ELK1: variants seen among roughly 807,000 people sequenced by gnomAD.
The protein encoded by ELK1 is ETS transcription factor ELK1, also known as ETS domain-containing protein Elk-1.
For missense variants in ELK1, 254 were observed against 381.5 expected, an observed-to-expected ratio of 0.67 and a Z score of 2.78; for synonymous variants, 163 against 176.3, an observed-to-expected ratio of 0.92 and a Z score of 0.60.
Position 47,650,545 on chromosome X carries a change from T to TGGCGGCGGC in ELK1, c.-272_-264dup, listed in dbSNP as rs775300271. 6.3e-6 allele frequency: 2 copies of TGGCGGCGGC among 318,886 alleles called. No individual in the cohort carries two copies. The highest frequency in any genetic ancestry group is 5.9e-6 in the Non-Finnish European group (1 of 169,232). The allele number at this position is 318,886 out of a possible 1,213,427, so 26.3% of individuals were successfully genotyped here. A position where few individuals can be genotyped will look rare whatever the true frequency, so the allele number is the denominator to read the frequency against. On this transcript the variant is annotated 5_prime_UTR_variant, in exon 1 of 7. Coordinates refer to ENST00000376983, the MANE Select transcript of ELK1 (RefSeq NM_001114123.3). ...GCGGCGGTGGAGGTGGTGGTGGCGG[T>TGGCGGCGGC]GGCGGCGGCAGCACCTAGAAGCCGC...
Position 47,636,712 on chromosome X carries a change from C to G in ELK1, c.*117G>C, listed in dbSNP as rs1484496304. The G allele has an allele frequency of 2.8e-6, 2 of 723,076 alleles. No individual in the cohort carries two copies. The highest frequency in any genetic ancestry group is 7.2e-5 in the East Asian group (2 of 27,870). The allele number at this position is 723,076 out of a possible 1,213,427, so 59.6% of individuals were successfully genotyped here. On this transcript the variant is annotated 3_prime_UTR_variant, in exon 7 of 7. Coordinates refer to ENST00000376983, the MANE Select transcript of ELK1 (RefSeq NM_001114123.3). ...AGTAATTCTTCCCAAGGATCCCCAC[C>G]CCACCACAATCAGAGCATGAGTCTT...
At chrX:47,644,394 G>A (rs1333586212) in intron 2 of ELK1, among the ~76,000 whole-genome samples, 2 of 111,463 alleles carry the variant, frequency 1.8e-5, no homozygotes, top group African/African-American at 6.5e-5. Context: ...CAGGTGCTGC[G>A]GATACAGTCG....
intron 4 of ELK1, 104 bp from the exon 5 acceptor site, chrX:47,638,286 C>A: frequency 2.0e-6 from 2 of 993,127 alleles, no homozygotes; most frequent in Non-Finnish European, 2.8e-6. Flanking sequence ...GCACTTGGTA[C>A]TCAGGGCATG....
chrX:47,650,455 T>C lies in ELK1; in HGVS notation c.-173A>G. The C allele has an allele frequency of 8.4e-6, 3 of 358,752 alleles. No homozygotes were observed. The highest frequency in any genetic ancestry group is 7.2e-5 in the South Asian group (3 of 41,769). 29.6% of individuals were successfully genotyped at this position (358,752 alleles called of 1,213,427 possible). On this transcript the variant is annotated 5_prime_UTR_variant, in exon 1 of 7. Coordinates refer to ENST00000376983, the MANE Select transcript of ELK1 (RefSeq NM_001114123.3). Reference sequence around the variant, plus strand: ...TAGCGTGGCGGTGGCGTTGGCAATGTTGGCAGCTCCGGGGGGCGGGGGCTC... The same window carrying C: ...TAGCGTGGCGGTGGCGTTGGCAATGCTGGCAGCTCCGGGGGGCGGGGGCTC...
At chrX:47,641,504 C>G in intron 2 of ELK1, 29 bp from the exon 3 acceptor site, 1 of 1,105,105 alleles carries the variant, frequency 9.0e-7, no homozygotes. Flanking sequence ...AGTTGAGAGG[C>G]TGTGGACATA....
chrX:47,648,137 G>T lies in ELK1; in HGVS notation c.-35+1784C>A, dbSNP rs751479317. Among the ~76,000 whole-genome samples the T allele has an allele frequency of 1.3e-4, 13 of 102,325 alleles. No homozygotes were observed. In the East Asian group the frequency reaches 1.8e-3, roughly 14 times the overall value. The allele number at this position is 102,325 out of a possible 115,157, so 88.9% of individuals were successfully genotyped here. On this transcript the variant is annotated intron_variant, in intron 2 of 6. Transcript: ENST00000376983. ...ACACACCACAGTGGTTGTTTTTTGG[G>T]TTTTTTTTTTTCAGAAAAAGGGATC...
At position 47,647,996 on chromosome X, in the gene ELK1, C is replaced by A. The variant is rs1178953055; in HGVS notation, c.-35+1925G>T. Among the ~76,000 whole-genome samples the A allele has an allele frequency of 8.9e-5, 10 of 112,416 alleles. No homozygotes were observed. The East Asian group carries it at 2.8e-3, about 31-fold the overall frequency. On this transcript the variant is annotated intron_variant, in intron 2 of 6. Coordinates refer to ENST00000376983, the MANE Select transcript of ELK1 (RefSeq NM_001114123.3). ...TACATGTGCCTTTGTATAGTATATT[C>A]TAAGTACCATGGTGTGACAATCAAC...
In ELK1 at chrX:47,638,125, G is replaced by C; in HGVS notation, c.712C>G (p.Pro238Ala). The C allele has an allele frequency of 8.3e-7, 1 of 1,210,606 alleles. No homozygotes were observed. The highest frequency in any genetic ancestry group is 3.0e-5 in the East Asian group (1 of 33,815). ...NLKSEELNVEPGLGRALPPEV... is the reference protein window; with the variant it reads ...NLKSEELNVEAGLGRALPPEV... ...GGGGGCAAAGCCCGGCCCAAACCCG[G>C]CTCCACATTAAGCTCTTCCGATTTC... is the stretch of plus-strand genomic sequence containing the variant. The change falls in exon 5 of 7, where the codon CCG (proline) becomes GCG (alanine). Residue 238 changes from proline to alanine, a missense_variant. Transcript: ENST00000376983.
intron 3 of ELK1, among the ~76,000 whole-genome samples, chrX:47,640,446 G>C (rs2058024627): frequency 9.0e-6 from 1 of 111,142 alleles, no homozygotes; most frequent in Non-Finnish European, 1.9e-5. Flanking sequence ...CATGAATATT[G>C]TTTGGGAAAT....
chrX:47,642,901 C>A (rs963100523), intron 2 of ELK1, among the ~76,000 whole-genome samples: 1 of 111,518 alleles, frequency 9.0e-6, no homozygotes, highest in Non-Finnish European at 1.9e-5. Context: ...ATACCGTGCT[C>A]GGCCCTGAAT....
chrX:47,644,483 A>G (rs747330952), intron 2 of ELK1, among the ~76,000 whole-genome samples: 6 of 111,253 alleles, frequency 5.4e-5, no homozygotes, highest in African/African-American at 2.0e-4. Context: ...AAAGGCAAAC[A>G]TGTACAAGAG....
In ELK1 at chrX:47,638,016, G is replaced by C. The variant is rs1392089075; in HGVS notation, c.821C>G (p.Pro274Arg). Residue 274 changes from proline to arginine, a missense_variant, in exon 5 of 7, where the codon CCA becomes CGA. Physicochemically the swap from Pro to Arg is moderately radical, Grantham distance 103. Coordinates refer to ENST00000376983, the MANE Select transcript of ELK1 (RefSeq NM_001114123.3). ...GFVPETTKAE[P>R]EVPPQEGVPA... Reference sequence around the variant, plus strand: ...CACGCCCTCCTGTGGAGGGACTTCTGGCTCGGCCTTGGTGGTTTCTGGCAC... The same window carrying C: ...CACGCCCTCCTGTGGAGGGACTTCTCGCTCGGCCTTGGTGGTTTCTGGCAC... 2.5e-6 allele frequency: 3 copies of C among 1,209,489 alleles called. No homozygotes were observed. The highest frequency in any genetic ancestry group is 3.4e-6 in the Non-Finnish European group (3 of 894,953).
chrX:47,635,790 T>G lies in ELK1; in HGVS notation c.*1039A>C. On this transcript the variant is annotated 3_prime_UTR_variant, in exon 7 of 7. Transcript: ENST00000376983. ...TTCCTCCCTCCCAACTCCAGGGACA[T>G]TGAAAGGGTCCTTTGTACCCGCCCG... 9.0e-6 allele frequency: 1 copy of G among 110,611 alleles called. No homozygotes were observed. Among genetic ancestry groups the G allele is most frequent in the Non-Finnish European group, 1.9e-5 (1 of 52,760 alleles). The allele number at this position is 110,611 out of a possible 1,213,427, so 9.1% of individuals were successfully genotyped here.
chrX:47,641,200 G>C lies in ELK1; in HGVS notation c.210+32C>G, dbSNP rs1415669512. The stretch of plus-strand genomic sequence containing the variant: ...AAAATCTCTGATATAAATGTCAGGG[G>C]GGGGTTCCAGCCCTGGTCTGAGAGA... On this transcript the variant is annotated intron_variant, in intron 3 of 6. Transcript: ENST00000376983. The C allele has an allele frequency of 2.5e-6, 3 of 1,192,579 alleles. No individual in the cohort carries two copies. The East Asian group carries it at 8.9e-5, about 35-fold the overall frequency.
rs1398468229 is a variant in ELK1, at chrX:47,636,491, T to A, written c.*338A>T. The A allele has an allele frequency of 5.6e-6, 1 of 179,314 alleles. No homozygotes were observed. Among genetic ancestry groups the A allele is most frequent in the Non-Finnish European group, 1.0e-5 (1 of 97,330 alleles). 14.8% of individuals were successfully genotyped at this position (179,314 alleles called of 1,213,427 possible). Reference sequence around the variant, plus strand: ...TGTCTTGGGGAAAAAAGTGGGGAGGTGGGGGAGATGTCCTAACCACCCTAA... The same window carrying A: ...TGTCTTGGGGAAAAAAGTGGGGAGGAGGGGGAGATGTCCTAACCACCCTAA... On this transcript the variant is annotated 3_prime_UTR_variant, in exon 7 of 7. Coordinates refer to ENST00000376983, the MANE Select transcript of ELK1 (RefSeq NM_001114123.3).
chrX:47,649,275 G>A (rs1014384519), intron 2 of ELK1: 2 of 111,285 alleles, frequency 1.8e-5, no homozygotes, highest in Non-Finnish European at 3.8e-5. Flanking sequence ...GTGGTTACGA[G>A]TGTGACCAGG....
At chrX:47,643,591 G>A (rs915516789) in intron 2 of ELK1, among the ~76,000 whole-genome samples, 2 of 111,878 alleles carry the variant, frequency 1.8e-5, no homozygotes, top group Non-Finnish European at 3.8e-5. Context: ...TTACTAAGGG[G>A]TGTTATGTAA....
At chrX:47,641,180 C>T in intron 3 of ELK1, 52 bp downstream of exon 3, 2 of 1,159,078 alleles carry the variant, frequency 1.7e-6, no homozygotes, top group Non-Finnish European at 2.4e-6. Context: ...AAAATAAAAT[C>T]TCTGATATAA....
At chrX:47,643,363 G>A (rs2058034134) in intron 2 of ELK1, among the ~76,000 whole-genome samples, 1 of 112,243 alleles carries the variant, frequency 8.9e-6, no homozygotes, top group Non-Finnish European at 1.9e-5. Context: ...TGAGGTGTAT[G>A]ATAAGCTCTA....
Sources: gnomAD v4.1 joint callset for allele counts (sites outside exome capture counted in the v4.1 genomes callset) on GRCh38, gnomAD v4.1.1 for gene constraint, MANE v1.5 for transcripts, NCBI Gene and HGNC (gene_info 2026-07-23, HGNC 2026-07-21) for gene names.